The following ANKS1B variants were observed in gnomAD, a reference collection of about 807,000 sequenced individuals.
ANKS1B encodes ankyrin repeat and sterile alpha motif domain containing 1B.
Under a neutral mutation model 148.3 loss-of-function variants are expected in ANKS1B, and 36 were observed. That is an observed-to-expected ratio of 0.24 (90% confidence interval 0.19 to 0.32). The LOEUF is 0.32. ANKS1B is among the 10% of genes least tolerant of loss of function. ANKS1B has a pLI of 1.00. For synonymous variants in ANKS1B, 542 were observed against 560.8 expected (o/e 0.97, Z 0.47); for missense variants, 1,157 against 1,542.6 (o/e 0.75, Z 4.19).
At chr12:98,920,145 T>C (rs1199136625) in intron 17 of ANKS1B, among the ~76,000 whole-genome samples, 1 of 152,228 alleles carries the variant, frequency 6.6e-6, no homozygotes, top group African/African-American at 2.4e-5. Flanking sequence ...GACATTTCTT[T>C]GCTTGCAGAA....
intron 25 of ANKS1B, among the ~76,000 whole-genome samples, chr12:98,755,042 G>C (rs1320367367): frequency 2.0e-5 from 3 of 151,912 alleles, no homozygotes; most frequent in Non-Finnish European, 2.9e-5. Context: ...ACTGATGCTG[G>C]ATGCCAGGAG....
intron 12 of ANKS1B, among the ~76,000 whole-genome samples, chr12:99,305,049 G>C (rs774639819): frequency 1.3e-5 from 2 of 152,122 alleles, no homozygotes; most frequent in African/African-American, 2.4e-5. Flanking sequence ...TACAATCATA[G>C]CAGAAGGCCA....
At chr12:99,172,693 A>T (rs899630744) in intron 14 of ANKS1B, among the ~76,000 whole-genome samples, 1 of 152,210 alleles carries the variant, frequency 6.6e-6, no homozygotes, top group African/African-American at 2.4e-5. Flanking sequence ...TTTAGTTGCT[A>T]GAAGAGCAAT....
chr12:99,235,653 G>C (rs1291207476), intron 14 of ANKS1B, among the ~76,000 whole-genome samples: 2 of 152,168 alleles, frequency 1.3e-5, no homozygotes, highest in African/African-American at 4.8e-5. Context: ...CTATCTTGGA[G>C]CTAATATCAT....
At chr12:99,632,915 C>G (rs1241614812) in intron 9 of ANKS1B, among the ~76,000 whole-genome samples, 1 of 67,958 alleles carries the variant, frequency 1.5e-5, no homozygotes, top group Admixed American at 2.2e-4. Context: ...CCCCCTCCCC[C>G]CACCCCACCA....
intron 25 of ANKS1B, among the ~76,000 whole-genome samples, chr12:98,759,593 C>T (rs2098351316): frequency 6.6e-6 from 1 of 152,190 alleles, no homozygotes; most frequent in African/African-American, 2.4e-5. Flanking sequence ...TTAACTGGTA[C>T]ATCACTAAGA....
intron 10 of ANKS1B, among the ~76,000 whole-genome samples, chr12:99,454,048 T>C (rs940500730): frequency 6.6e-6 from 1 of 152,000 alleles, no homozygotes; most frequent in African/African-American, 2.4e-5. Context: ...GAAAACAGAA[T>C]ATGCAACAGG....
chr12:99,656,887 T>C (rs1448179755), intron 8 of ANKS1B, among the ~76,000 whole-genome samples: 1 of 152,176 alleles, frequency 6.6e-6, no homozygotes, highest in East Asian at 1.9e-4. Flanking sequence ...CATATTGGAT[T>C]GTAAATAGCA....
chr12:99,793,475 A>C (rs2065898317), intron 4 of ANKS1B, among the ~76,000 whole-genome samples: 1 of 152,082 alleles, frequency 6.6e-6, no homozygotes. Context: ...AAAATCAGAC[A>C]CATAGACCAA....
At chr12:98,819,322 C>G (rs1202663499) in intron 19 of ANKS1B, among the ~76,000 whole-genome samples, 1 of 152,176 alleles carries the variant, frequency 6.6e-6, no homozygotes, top group African/African-American at 2.4e-5. Context: ...TGTTGATCTG[C>G]CCAGAGCTGG....
At chr12:99,693,656 A>G (rs182979914) in intron 8 of ANKS1B, among the ~76,000 whole-genome samples, 1 of 152,334 alleles carries the variant, frequency 6.6e-6, no homozygotes, top group East Asian at 1.9e-4. Context: ...CATCATATAC[A>G]TGATGGCAAA....
At chr12:99,539,487 T>C (rs2097104787) in intron 9 of ANKS1B, among the ~76,000 whole-genome samples, 2 of 152,036 alleles carry the variant, frequency 1.3e-5, no homozygotes, top group African/African-American at 4.8e-5. Flanking sequence ...AAATAACTCT[T>C]AAAAATATGT....
intron 17 of ANKS1B, among the ~76,000 whole-genome samples, chr12:98,839,395 G>GTATC (rs3051059): frequency 0.48 from 71,998 of 151,486 alleles, 18,172 homozygotes; most frequent in East Asian, 0.7. Context: ...ATGTATGTAT[G>GTATC]TATCTATCTT....
At chr12:99,207,241 A>G (rs1034676676) in intron 14 of ANKS1B, among the ~76,000 whole-genome samples, 10 of 152,202 alleles carry the variant, frequency 6.6e-5, no homozygotes, top group African/African-American at 2.4e-4. Flanking sequence ...TAGTTTAAGA[A>G]GCAATTCGAG....
chr12:99,622,127 T>A (rs1446621689), intron 9 of ANKS1B, among the ~76,000 whole-genome samples: 2 of 151,982 alleles, frequency 1.3e-5, no homozygotes, highest in Non-Finnish European at 2.9e-5. Context: ...ACATGAAAAT[T>A]AAATAACTTT....
At chr12:99,437,242 T>C (rs1437558893) in intron 11 of ANKS1B, among the ~76,000 whole-genome samples, 1 of 151,908 alleles carries the variant, frequency 6.6e-6, no homozygotes, top group African/African-American at 2.4e-5. Context: ...GGGCCTCTTT[T>C]ATAAGTGAAC....
At chr12:99,885,535 C>T (rs1248248553) in intron 1 of ANKS1B, among the ~76,000 whole-genome samples, 2 of 152,076 alleles carry the variant, frequency 1.3e-5, no homozygotes, top group Admixed American at 1.3e-4. Context: ...AATCTCCTGA[C>T]CTCGTGATCC....
chr12:99,466,876 A>G (rs2096127275), intron 10 of ANKS1B, among the ~76,000 whole-genome samples: 1 of 152,104 alleles, frequency 6.6e-6, no homozygotes, highest in Admixed American at 6.5e-5. Context: ...AGGAACTGGT[A>G]CCATTCCTTC....
chr12:98,951,753 A>G (rs954808795), intron 17 of ANKS1B, among the ~76,000 whole-genome samples: 1 of 151,966 alleles, frequency 6.6e-6, no homozygotes, highest in Non-Finnish European at 1.5e-5. Context: ...CCTTCATCCC[A>G]TCTCTCCGTC....
Sources: gnomAD v4.1 joint callset for allele counts (sites outside exome capture counted in the v4.1 genomes callset) on GRCh38, gnomAD v4.1.1 for gene constraint, MANE v1.5 for transcripts, NCBI Gene and HGNC (gene_info 2026-07-23, HGNC 2026-07-21) for gene names.